Variants in MAN1A2 observed in about 807,000 individuals in gnomAD.
The protein encoded by MAN1A2 is mannosyl-oligosaccharide 1,2-alpha-mannosidase IB.
Under a neutral mutation model 75.7 loss-of-function variants are expected in MAN1A2, and 26 were observed. That is an observed-to-expected ratio of 0.34 (90% CI 0.25 to 0.48). MAN1A2 has a LOEUF of 0.48. MAN1A2 is among the 20% of genes least tolerant of loss of function. The pLI is 0.99. For synonymous variants in MAN1A2, 247 were observed against 264.6 expected (o/e 0.93, Z 0.65); for missense variants, 562 against 775.5 (o/e 0.72, Z 3.27).
chr1:117,409,595 G>A (rs1647741193), intron 3 of MAN1A2, among the ~76,000 whole-genome samples: 1 of 151,986 alleles, frequency 6.6e-6, no homozygotes, highest in African/African-American at 2.4e-5. Flanking sequence ...TGGTTAATGG[G>A]GTTGTTCAGG....
At chr1:117,477,913 C>G (rs894513346) in intron 8 of MAN1A2, among the ~76,000 whole-genome samples, 2 of 152,064 alleles carry the variant, frequency 1.3e-5, no homozygotes, top group Non-Finnish European at 2.9e-5. Context: ...TCTCCTTAAG[C>G]TGATAAGCAA....
chr1:117,481,439 C>T (rs1007898432), intron 8 of MAN1A2, among the ~76,000 whole-genome samples: 2 of 151,960 alleles, frequency 1.3e-5, no homozygotes, highest in African/African-American at 4.8e-5. Flanking sequence ...TCTTACTGTC[C>T]TATAGACTAG....
intron 12 of MAN1A2, among the ~76,000 whole-genome samples, chr1:117,507,173 T>C (rs1651400043): frequency 6.6e-6 from 1 of 151,492 alleles, no homozygotes; most frequent in South Asian, 2.1e-4. Flanking sequence ...GCATAGAAGA[T>C]GAAAACAGAC....
intron 1 of MAN1A2, among the ~76,000 whole-genome samples, chr1:117,393,500 G>A (rs1346180331): frequency 6.6e-6 from 1 of 150,610 alleles, no homozygotes; most frequent in Non-Finnish European, 1.5e-5. Flanking sequence ...GTGTGTGTGT[G>A]TTTTCCTGGA....
In MAN1A2 at chr1:117,380,838, A is replaced by G. The variant is rs577575479; in HGVS notation, c.302+12353A>G. On this transcript the variant is annotated intron_variant, in intron 1 of 12. Transcript: ENST00000356554. ...ATTCTTTTTCAAAATTGCTTTGGCT[A>G]TTTGGAGACCACTGACCATTCCTTA... Among the ~76,000 whole-genome samples the G allele has an allele frequency of 3.3e-5, 5 of 152,304 alleles. No individual in the cohort carries two copies. In the East Asian group the frequency reaches 9.6e-4, roughly 29 times the overall value.
chr1:117,392,082 T>C (rs991795513), intron 1 of MAN1A2, among the ~76,000 whole-genome samples: 9 of 152,162 alleles, frequency 5.9e-5, no homozygotes, highest in Admixed American at 1.3e-4. Context: ...CCTCCCTTTC[T>C]ACTCCCACCT....
intron 1 of MAN1A2, among the ~76,000 whole-genome samples, chr1:117,375,374 C>T (rs1414106588): frequency 1.3e-5 from 2 of 152,124 alleles, no homozygotes; most frequent in Admixed American, 6.5e-5. Flanking sequence ...AGTGTTCTCT[C>T]CTGTTCTCCA....
At chr1:117,466,511 C>A (rs1486932123) in intron 8 of MAN1A2, 84 bp downstream of exon 8, 4 of 860,078 alleles carry the variant, frequency 4.7e-6, no homozygotes, top group Non-Finnish European at 7.1e-6. Context: ...AAGTACACTA[C>A]GTGGAGTTAG....
intron 8 of MAN1A2, among the ~76,000 whole-genome samples, chr1:117,486,507 T>G (rs1446329225): frequency 6.6e-6 from 1 of 151,976 alleles, no homozygotes; most frequent in East Asian, 1.9e-4. Flanking sequence ...ATTCTCCACT[T>G]TAGTCAAATA....
chr1:117,397,715 G>C (rs1458092966), intron 1 of MAN1A2, among the ~76,000 whole-genome samples: 2 of 130,658 alleles, frequency 1.5e-5, no homozygotes. Flanking sequence ...GCAATGTCAC[G>C]ATCTCAGCTT....
chr1:117,474,899 A>G (rs1008136321), intron 8 of MAN1A2, among the ~76,000 whole-genome samples: 7 of 151,808 alleles, frequency 4.6e-5, no homozygotes, highest in Admixed American at 4.6e-4. Context: ...GCTTTCTGTC[A>G]TTAAAGCTTG....
In MAN1A2 at chr1:117,368,003, C is replaced by T. The variant is rs1652825426; in HGVS notation, c.-181C>T. On this transcript the variant is annotated 5_prime_UTR_variant, in exon 1 of 13. In the 5' UTR this introduces an upstream ATG that the reference lacks. Coordinates refer to ENST00000356554, the MANE Select transcript of MAN1A2 (RefSeq NM_006699.5). ...GTGATCGTTTGGGGGAGGTCACACA[C>T]GTTTCTGAGTGGGAATGGATGGGCG... The T allele has an allele frequency of 1.2e-5, 7 of 596,980 alleles. No individual in the cohort carries two copies. The South Asian group carries it at 1.5e-4, about 13-fold the overall frequency. 37.0% of individuals were successfully genotyped at this position (596,980 alleles called of 1,614,324 possible).
chr1:117,507,978 G>A (rs776195387), intron 12 of MAN1A2, among the ~76,000 whole-genome samples: 1 of 151,632 alleles, frequency 6.6e-6, no homozygotes, highest in Non-Finnish European at 1.5e-5. Flanking sequence ...TCCTAGGAGC[G>A]GTTCTCTAGT....
chr1:117,405,230 A>G (rs1160772996), intron 2 of MAN1A2, among the ~76,000 whole-genome samples: 1 of 152,094 alleles, frequency 6.6e-6, no homozygotes, highest in Non-Finnish European at 1.5e-5. Flanking sequence ...CTCTTGATTG[A>G]CAGCTCTGTT....
At chr1:117,413,517 T>A (rs1396548783) in intron 3 of MAN1A2, among the ~76,000 whole-genome samples, 1 of 151,962 alleles carries the variant, frequency 6.6e-6, no homozygotes, top group African/African-American at 2.4e-5. Flanking sequence ...ACAAAGCTGT[T>A]AATTATTACT....
chr1:117,471,875 C>T (rs1037622860), intron 8 of MAN1A2, among the ~76,000 whole-genome samples: 9 of 151,762 alleles, frequency 5.9e-5, no homozygotes, highest in Admixed American at 2.6e-4. Context: ...GAGAAGAAAC[C>T]GGATCAGGTT....
chr1:117,468,339 A>T (rs970896033), intron 8 of MAN1A2, among the ~76,000 whole-genome samples: 4 of 152,156 alleles, frequency 2.6e-5, no homozygotes, highest in African/African-American at 7.2e-5. Flanking sequence ...ATATATTTGT[A>T]TGCTTTTTGA....
At chr1:117,519,545 A>G (rs1274230836) in intron 12 of MAN1A2, among the ~76,000 whole-genome samples, 2 of 152,042 alleles carry the variant, frequency 1.3e-5, no homozygotes, top group Non-Finnish European at 2.9e-5. Flanking sequence ...GGCTACTGTG[A>G]ACACCTTTAC....
At chr1:117,458,970 C>T (rs1034532695) in intron 6 of MAN1A2, among the ~76,000 whole-genome samples, 1 of 152,132 alleles carries the variant, frequency 6.6e-6, no homozygotes, top group Non-Finnish European at 1.5e-5. Flanking sequence ...TATCAGACTA[C>T]CCTTCTACCA....
Sources: gnomAD v4.1 joint callset for allele counts (sites outside exome capture counted in the v4.1 genomes callset) on GRCh38, gnomAD v4.1.1 for gene constraint, MANE v1.5 for transcripts, NCBI Gene and HGNC (gene_info 2026-07-23, HGNC 2026-07-21) for gene names.